The following MAGI2 variants were observed in gnomAD, a reference collection of about 807,000 sequenced individuals.
MAGI2 encodes membrane associated guanylate kinase, WW and PDZ domain containing 2, also known as membrane-associated guanylate kinase, WW and PDZ domain-containing protein 2.
Under a neutral mutation model 133.3 loss-of-function variants are expected in MAGI2, and 35 were observed. The observed-to-expected ratio is 0.26, with a 90% CI of 0.20 to 0.35. The LOEUF (loss-of-function observed/expected upper bound fraction) is 0.35. MAGI2 is among the 10% of genes least tolerant of loss of function. MAGI2 has a pLI of 1.00. For synonymous variants in MAGI2, 729 were observed against 710.6 expected, an observed-to-expected ratio of 1.03 and a Z score of -0.41; for missense variants, 1,636 against 1,863.4, an observed-to-expected ratio of 0.88 and a Z score of 2.25.
chr7:79,137,939 G>A (rs1435237142), intron 1 of MAGI2, among the ~76,000 whole-genome samples: 1 of 152,138 alleles, frequency 6.6e-6, no homozygotes, highest in Non-Finnish European at 1.5e-5. Context: ...GATTATCCTA[G>A]TGGGCGTAAT....
chr7:78,182,407 G>T (rs1827268581), intron 13 of MAGI2, among the ~76,000 whole-genome samples: 1 of 152,046 alleles, frequency 6.6e-6, no homozygotes, highest in African/African-American at 2.4e-5. Flanking sequence ...TATCCCTGTG[G>T]GTATGTGAAT....
chr7:78,950,589 T>C (rs1801788604), intron 2 of MAGI2, among the ~76,000 whole-genome samples: 1 of 152,174 alleles, frequency 6.6e-6, no homozygotes, highest in Non-Finnish European at 1.5e-5. Flanking sequence ...TAAATGCCTA[T>C]ATTTTTCAAT....
chr7:78,601,398 A>G (rs1452973460), intron 3 of MAGI2, among the ~76,000 whole-genome samples: 1 of 152,224 alleles, frequency 6.6e-6, no homozygotes, highest in Non-Finnish European at 1.5e-5. Context: ...TTTGGTAATC[A>G]CTTGTAATTT....
chr7:78,304,570 C>T (rs1053559223), intron 9 of MAGI2, among the ~76,000 whole-genome samples: 3 of 152,178 alleles, frequency 2.0e-5, no homozygotes, highest in Non-Finnish European at 2.9e-5. Flanking sequence ...GTTCTAGGTA[C>T]TGTCCTGATG....
intron 12 of MAGI2, among the ~76,000 whole-genome samples, chr7:78,188,835 C>T (rs3807660): frequency 0.44 from 66,630 of 151,888 alleles, 15,141 homozygotes; most frequent in Non-Finnish European, 0.51. Flanking sequence ...CTTGGCTCAA[C>T]TGGGTATTTA....
At chr7:79,189,312 C>CAAAAAAA (rs34814587) in intron 1 of MAGI2, among the ~76,000 whole-genome samples, 2 of 74,310 alleles carry the variant, frequency 2.7e-5, no homozygotes, top group Admixed American at 1.5e-4. Flanking sequence ...TTTTTATAGG[C>CAAAAAAA]AAAAAAAAAA....
intron 1 of MAGI2, among the ~76,000 whole-genome samples, chr7:79,448,469 T>C (rs1849014389): frequency 6.6e-6 from 1 of 152,126 alleles, no homozygotes; most frequent in Non-Finnish European, 1.5e-5. Flanking sequence ...AAAATCTACA[T>C]AATGCTTATC....
At chr7:78,838,189 C>A (rs1421491589) in intron 2 of MAGI2, among the ~76,000 whole-genome samples, 1 of 152,082 alleles carries the variant, frequency 6.6e-6, no homozygotes, top group Non-Finnish European at 1.5e-5. Context: ...ACACGTCAAC[C>A]TTTATCTTAA....
chr7:78,219,164 T>G (rs1276512669), intron 10 of MAGI2, among the ~76,000 whole-genome samples: 3 of 152,142 alleles, frequency 2.0e-5, no homozygotes, highest in Non-Finnish European at 4.4e-5. Flanking sequence ...ATTTTCTCAC[T>G]TTATACACGT....
At chr7:78,441,430 C>T (rs1254678672) in intron 6 of MAGI2, among the ~76,000 whole-genome samples, 1 of 152,058 alleles carries the variant, frequency 6.6e-6, no homozygotes, top group Non-Finnish European at 1.5e-5. Context: ...TCCACAGATA[C>T]ATAAAAAAGC....
intron 2 of MAGI2, among the ~76,000 whole-genome samples, chr7:78,998,362 G>GA (rs1806517184): frequency 6.6e-6 from 1 of 152,094 alleles, no homozygotes; most frequent in Non-Finnish European, 1.5e-5. Flanking sequence ...AGCAGAATCA[G>GA]AAAACCACAG....
At chr7:78,232,932 C>T (rs545991493) in intron 10 of MAGI2, among the ~76,000 whole-genome samples, 61 of 152,240 alleles carry the variant, frequency 4.0e-4, no homozygotes, top group Middle Eastern at 3.4e-3. Flanking sequence ...TTGTTCACTG[C>T]TACATTAAGG....
intron 6 of MAGI2, among the ~76,000 whole-genome samples, chr7:78,411,604 C>T (rs1000802406): frequency 1.1e-4 from 17 of 151,874 alleles, no homozygotes; most frequent in Admixed American, 7.9e-4. Flanking sequence ...CATTCTCAGA[C>T]GAAAGTGATA....
intron 1 of MAGI2, among the ~76,000 whole-genome samples, chr7:79,060,207 G>C (rs1267225184): frequency 6.6e-6 from 1 of 152,040 alleles, no homozygotes; most frequent in Non-Finnish European, 1.5e-5. Context: ...AGGTTTTCAA[G>C]GTAGAGCCAT....
chr7:78,974,500 T>C (rs1398466034), intron 2 of MAGI2, among the ~76,000 whole-genome samples: 1 of 151,944 alleles, frequency 6.6e-6, no homozygotes, highest in Non-Finnish European at 1.5e-5. Flanking sequence ...CAGTTCCATT[T>C]ATTTTAATAA....
chr7:79,115,131 T>C (rs1819279670), intron 1 of MAGI2, among the ~76,000 whole-genome samples: 1 of 152,162 alleles, frequency 6.6e-6, no homozygotes, highest in Non-Finnish European at 1.5e-5. Context: ...TAGGTTTGCA[T>C]CTGCTCCTGA....
At chr7:78,649,436 C>T (rs556356913) in intron 2 of MAGI2, among the ~76,000 whole-genome samples, 41 of 151,784 alleles carry the variant, frequency 2.7e-4, no homozygotes, top group South Asian at 6.2e-4. Flanking sequence ...ACAATCATGG[C>T]GAAATTTCAA....
chr7:78,862,760 C>T (rs1330598316), intron 2 of MAGI2, among the ~76,000 whole-genome samples: 1 of 152,112 alleles, frequency 6.6e-6, no homozygotes, highest in Non-Finnish European at 1.5e-5. Flanking sequence ...TGGTCCATTA[C>T]CATCTGGGAC....
At chr7:79,331,689 C>T (rs1840080461) in intron 1 of MAGI2, among the ~76,000 whole-genome samples, 1 of 152,090 alleles carries the variant, frequency 6.6e-6, no homozygotes, top group South Asian at 2.1e-4. Context: ...ATTTGGAAGG[C>T]AACTTAGTCT....
Sources: gnomAD v4.1 joint callset for allele counts (sites outside exome capture counted in the v4.1 genomes callset) on GRCh38, gnomAD v4.1.1 for gene constraint, MANE v1.5 for transcripts, NCBI Gene and HGNC (gene_info 2026-07-23, HGNC 2026-07-21) for gene names.